PLCG2: variants seen among roughly 807,000 people sequenced by gnomAD.
PLCG2 encodes 1-phosphatidylinositol 4,5-bisphosphate phosphodiesterase gamma-2.
Under a neutral mutation model 175.6 loss-of-function variants are expected in PLCG2, and 69 were observed. That is an observed-to-expected ratio of 0.39 (90% CI 0.32 to 0.48). The LOEUF is 0.48. PLCG2 is among the 20% of genes least tolerant of loss of function. The pLI is 0.91. For synonymous variants in PLCG2, 827 were observed against 624.0 expected (o/e 1.33, Z -4.85); for missense variants, 1,798 against 1,650.9 (o/e 1.09, Z -1.54).
At chr16:81,814,275 C>G (rs1025904877) in intron 2 of PLCG2, among the ~76,000 whole-genome samples, 1 of 152,274 alleles carries the variant, frequency 6.6e-6, no homozygotes, top group South Asian at 2.1e-4. Context: ...AAGGTCTTCT[C>G]AGGGGACCTG....
At chr16:81,769,756 C>A (rs796147346) in intron 2 of PLCG2, among the ~76,000 whole-genome samples, 221 of 133,696 alleles carry the variant, frequency 1.7e-3, no homozygotes, top group African/African-American at 6.1e-3. Context: ...GGAGGCGGAG[C>A]TTGCAGTGAG....
intron 2 of PLCG2, among the ~76,000 whole-genome samples, chr16:81,767,190 G>A (rs1318960807): frequency 4.2e-5 from 5 of 118,522 alleles, no homozygotes; most frequent in South Asian, 2.9e-4. Context: ...TATCACCCAC[G>A]CTGGAGTGCA....
intron 23 of PLCG2, among the ~76,000 whole-genome samples, chr16:81,927,738 AG>A (rs1910335040): frequency 6.6e-6 from 1 of 152,200 alleles, no homozygotes; most frequent in Non-Finnish European, 1.5e-5. Flanking sequence ...TAAGGGATGT[AG>A]GGCAATCTGG....
At chr16:81,893,659 A>C (rs779181474) in intron 11 of PLCG2, 50 bp from the exon 12 acceptor site, 11 of 1,145,664 alleles carry the variant, frequency 9.6e-6, no homozygotes, top group East Asian at 2.4e-5. Context: ...CTTGCCCCCC[A>C]ACCCCTGTGG....
chr16:81,900,667 A>G lies in PLCG2; in HGVS notation c.1249A>G (p.Met417Val). 1 of 1,612,414 alleles carries G rather than the reference A, an allele frequency of 6.2e-7. No individual in the cohort carries two copies. Reference sequence around the variant, plus strand: ...CTGCAGCGTGGAGCAACAGCGTCACATGGCCAAGGCCTTCAAGGAAGTATT... The same window carrying G: ...CTGCAGCGTGGAGCAACAGCGTCACGTGGCCAAGGCCTTCAAGGAAGTATT... ...EHCSVEQQRH[M>V]AKAFKEVFGD... Residue 417 changes from methionine to valine, a missense_variant, in exon 14 of 33, where the codon ATG becomes GTG. Met to Val is a conservative substitution (Grantham distance 21, BLOSUM62 1). Coordinates refer to ENST00000564138, the MANE Select transcript of PLCG2 (RefSeq NM_002661.5).
At chr16:81,823,819 T>A (rs1350364819) in intron 2 of PLCG2, among the ~76,000 whole-genome samples, 1 of 151,880 alleles carries the variant, frequency 6.6e-6, no homozygotes, top group Non-Finnish European at 1.5e-5. Context: ...CATGAACCAC[T>A]GCACCCAGAC....
chr16:81,798,302 G>T (rs1911563617), intron 2 of PLCG2, among the ~76,000 whole-genome samples: 1 of 152,178 alleles, frequency 6.6e-6, no homozygotes, highest in Non-Finnish European at 1.5e-5. Flanking sequence ...GCCTGCATTT[G>T]TGTTTGCGTG....
chr16:81,897,434 G>A (rs1378444573), intron 13 of PLCG2, among the ~76,000 whole-genome samples: 1 of 152,148 alleles, frequency 6.6e-6, no homozygotes, highest in Non-Finnish European at 1.5e-5. Flanking sequence ...GGGCGGTTGT[G>A]ATGATTAAAT....
At chr16:81,774,546 C>T (rs1010192871), upstream of PLCG2, among the ~76,000 whole-genome samples, 10 of 152,084 alleles carry the variant, frequency 6.6e-5, no homozygotes, top group Admixed American at 6.6e-4. Context: ...ATGTGTGCTT[C>T]TCTGAACAAT....
At chr16:81,803,226 C>T (rs550684519) in intron 2 of PLCG2, among the ~76,000 whole-genome samples, 24 of 149,788 alleles carry the variant, frequency 1.6e-4, no homozygotes, top group African/African-American at 2.2e-4. Context: ...TCATGCCATT[C>T]TCCTGCCTCA....
intron 14 of PLCG2, among the ~76,000 whole-genome samples, chr16:81,902,622 G>C (rs1909198349): frequency 6.6e-6 from 1 of 151,856 alleles, no homozygotes; most frequent in South Asian, 2.1e-4. Flanking sequence ...TCCCACTTAT[G>C]AGAGCTCTAC....
chr16:81,794,267 T>C (rs747878257), intron 2 of PLCG2, among the ~76,000 whole-genome samples: 13 of 152,204 alleles, frequency 8.5e-5, no homozygotes, highest in Non-Finnish European at 1.9e-4. Flanking sequence ...CTTGGACTTC[T>C]TTTCATGGAA....
chr16:81,939,845 G>T, intron 29 of PLCG2, 47 bp from the exon 30 acceptor site: 1 of 1,335,284 alleles, frequency 7.5e-7, no homozygotes, highest in Non-Finnish European at 1.1e-6. Context: ...CTTACCAGAA[G>T]GGGGCAGCTC....
chr16:81,854,471 G>A lies in PLCG2; in HGVS notation c.221G>A (p.Arg74His), dbSNP rs1353659689. 3 of 1,613,976 alleles carry A rather than the reference G, an allele frequency of 1.9e-6. No individual in the cohort carries two copies. Among genetic ancestry groups the A allele is most frequent in the Admixed American group, 1.7e-5 (1 of 60,008 alleles). ...GATATCATGGAAATAAAAGAAATCC[G>A]CCCAGGGAAGAACTCCAAAGATTTC... ...FLDIMEIKEI[R>H]PGKNSKDFER... The change falls in exon 3 of 33, where the codon CGC becomes CAC. Residue 74 changes from arginine (R) to histidine (H), a missense_variant. By Grantham distance (29) the Arg-to-His change is conservative. Transcript: ENST00000564138.
chr16:81,886,389 C>A (rs1194332280), intron 9 of PLCG2, among the ~76,000 whole-genome samples: 1 of 152,208 alleles, frequency 6.6e-6, no homozygotes, highest in Admixed American at 6.5e-5. Flanking sequence ...ATCACTGCAG[C>A]ACTTTGTGTG....
At chr16:81,828,777 G>C (rs1905144398) in intron 2 of PLCG2, among the ~76,000 whole-genome samples, 1 of 152,200 alleles carries the variant, frequency 6.6e-6, no homozygotes, top group South Asian at 2.1e-4. Context: ...GCATTTTCCT[G>C]AGTGCCTGGT....
intron 2 of PLCG2, chr16:81,755,998 C>G (rs942893476): frequency 6.5e-6 from 1 of 152,970 alleles, no homozygotes. Context: ...TGTCCTCGAC[C>G]AAACCCTGAC....
rs1017992580 is a variant in PLCG2, at chr16:81,833,840, G to A, written c.194-20604G>A. 5.3e-5 allele frequency among the ~76,000 whole-genome samples: 8 copies of A among 152,122 alleles called. No homozygotes were observed. In the East Asian group the frequency reaches 7.7e-4, roughly 15 times the overall value. On this transcript the variant is annotated intron_variant, in intron 2 of 32. Transcript: ENST00000564138. ...TGGGGTTACAAGCATGAGCCACGGC[G>A]CCCGGCCTCCTGTGTGTCTTGCCTA...
chr16:81,891,707 A>G, intron 11 of PLCG2, 117 bp downstream of exon 11: 1 of 651,968 alleles, frequency 1.5e-6, no homozygotes. Context: ...AGGGTGTAGC[A>G]CCGCATTCCT....
Sources: gnomAD v4.1 joint callset for allele counts (sites outside exome capture counted in the v4.1 genomes callset) on GRCh38, gnomAD v4.1.1 for gene constraint, MANE v1.5 for transcripts, NCBI Gene and HGNC (gene_info 2026-07-23, HGNC 2026-07-21) for gene names.